Variants in BCAS3 observed in about 807,000 individuals in gnomAD.
BCAS3 encodes BCAS3 microtubule associated cell migration factor, also known as BCAS4/BCAS3 fusion.
BCAS3 carries 53 observed loss-of-function variants against 116.1 expected under a neutral mutation model. The observed-to-expected ratio is 0.46, with a 90% confidence interval of 0.37 to 0.57. The LOEUF is 0.57. Ranked by LOEUF, BCAS3 falls within the 20% of genes least tolerant of loss-of-function variation. The pLI is 0.00. For missense variants in BCAS3, 917 were observed against 1,165.4 expected (o/e 0.79, Z 3.10); for synonymous variants, 391 against 408.2 (o/e 0.96, Z 0.51).
chr17:60,816,261 T>C (rs894429681), intron 7 of BCAS3, among the ~76,000 whole-genome samples: 1 of 149,856 alleles, frequency 6.7e-6, no homozygotes, highest in African/African-American at 2.5e-5. Flanking sequence ...ATGTATAACT[T>C]TTCTTTCTTT....
chr17:60,894,533 A>C (rs962976922), intron 10 of BCAS3, among the ~76,000 whole-genome samples: 4 of 152,140 alleles, frequency 2.6e-5, no homozygotes, highest in African/African-American at 9.7e-5. Context: ...TGTGACTTCT[A>C]CTTTTCCAAT....
At chr17:61,030,154 G>C (rs2066526976) in intron 16 of BCAS3, among the ~76,000 whole-genome samples, 2 of 151,740 alleles carry the variant, frequency 1.3e-5, no homozygotes, top group African/African-American at 4.8e-5. Context: ...ATCAATATTG[G>C]GTCTTACATT....
At chr17:60,948,379 C>T (rs996967279) in intron 14 of BCAS3, among the ~76,000 whole-genome samples, 2 of 152,168 alleles carry the variant, frequency 1.3e-5, no homozygotes, top group African/African-American at 2.4e-5. Flanking sequence ...CCACTTCAGC[C>T]TCCCAAAGTG....
At chr17:61,174,760 A>G (rs1427588349) in intron 22 of BCAS3, among the ~76,000 whole-genome samples, 1 of 152,230 alleles carries the variant, frequency 6.6e-6, no homozygotes, top group Non-Finnish European at 1.5e-5. Flanking sequence ...ATTACCATAC[A>G]AAGAGATTCT....
chr17:60,876,424 A>G (rs1049873593), intron 9 of BCAS3, among the ~76,000 whole-genome samples: 7 of 151,930 alleles, frequency 4.6e-5, no homozygotes, highest in African/African-American at 1.7e-4. Flanking sequence ...CCCAGTGTAG[A>G]TAGTAATTCT....
chr17:60,891,632 A>G, intron 10 of BCAS3: 1 of 453,114 alleles, frequency 2.2e-6, no homozygotes, highest in South Asian at 1.6e-5. Flanking sequence ...CTTTGACTAT[A>G]AAATCTTAAG....
At chr17:60,888,098 G>A (rs1030453034) in intron 9 of BCAS3, among the ~76,000 whole-genome samples, 2 of 152,212 alleles carry the variant, frequency 1.3e-5, no homozygotes, top group Non-Finnish European at 1.5e-5. Context: ...TTGGGATGGT[G>A]CTGAGTGGCT....
At chr17:61,121,208 TGA>T (rs1345093661) in intron 22 of BCAS3, among the ~76,000 whole-genome samples, 1 of 152,130 alleles carries the variant, frequency 6.6e-6, no homozygotes, top group Non-Finnish European at 1.5e-5. Context: ...ACATGCTTTC[TGA>T]GAGAGAGAGC....
intron 7 of BCAS3, among the ~76,000 whole-genome samples, chr17:60,825,650 G>A (rs1402268724): frequency 6.6e-6 from 1 of 151,154 alleles, no homozygotes; most frequent in African/African-American, 2.4e-5. Flanking sequence ...TTTGGTGTCT[G>A]GTGAAGAAGG....
In BCAS3 at chr17:61,315,176, C is replaced by A. The variant is rs577193413; in HGVS notation, c.2426-53151C>A. Among the ~76,000 whole-genome samples, 1 of 152,104 alleles carries A rather than the reference C, an allele frequency of 6.6e-6. No individual in the cohort carries two copies. Among genetic ancestry groups the A allele is most frequent in the Admixed American group, 6.5e-5 (1 of 15,288 alleles). On this transcript the variant is annotated intron_variant, in intron 22 of 23. Coordinates refer to ENST00000407086, the MANE Select transcript of BCAS3 (RefSeq NM_017679.5). This position sits in a 1 kb window ranked among gnomAD's most constrained non-coding sequence, Gnocchi z 5.3. Reference sequence around the variant, plus strand: ...TGTCACCTAGGCTGGAGTGCAGTGGCGTGATCTCGGCTCACTGCAGCCTCC... The same window carrying A: ...TGTCACCTAGGCTGGAGTGCAGTGGAGTGATCTCGGCTCACTGCAGCCTCC...
chr17:61,322,571 C>G (rs1478994490), intron 22 of BCAS3, among the ~76,000 whole-genome samples: 1 of 152,210 alleles, frequency 6.6e-6, no homozygotes, highest in Admixed American at 6.5e-5. Context: ...CCCTCCCACC[C>G]CTCTTTCCTT....
chr17:61,385,604 G>T (rs1164748453), intron 23 of BCAS3, among the ~76,000 whole-genome samples: 1 of 152,236 alleles, frequency 6.6e-6, no homozygotes, highest in East Asian at 1.9e-4. Flanking sequence ...GCTGTTGGTT[G>T]CAAACCTTCT....
chr17:61,290,583 G>A (rs962123764), intron 22 of BCAS3, among the ~76,000 whole-genome samples: 3 of 152,076 alleles, frequency 2.0e-5, no homozygotes, highest in South Asian at 2.1e-4. Flanking sequence ...TCTAGATAAC[G>A]AAAAACGACA....
intron 4 of BCAS3, among the ~76,000 whole-genome samples, chr17:60,702,297 G>GT (rs2036526556): frequency 6.6e-6 from 1 of 152,178 alleles, no homozygotes; most frequent in Non-Finnish European, 1.5e-5. Flanking sequence ...CTGGTGAGCA[G>GT]TTTATCTTTC....
intron 22 of BCAS3, among the ~76,000 whole-genome samples, chr17:61,129,704 G>A (rs1397711028): frequency 1.3e-5 from 2 of 152,212 alleles, no homozygotes; most frequent in Admixed American, 6.5e-5. Context: ...CCTGTTTAGG[G>A]AGGTGCCGAT....
chr17:60,773,594 A>G (rs1000464516), intron 6 of BCAS3, among the ~76,000 whole-genome samples: 3 of 151,876 alleles, frequency 2.0e-5, no homozygotes, highest in Non-Finnish European at 2.9e-5. Context: ...CACCCAGCCA[A>G]CTGTTGAGGT....
At position 61,270,274 on chromosome 17, in the gene BCAS3, C is replaced by T. The variant is rs922303178; in HGVS notation, c.2426-98053C>T. ...AGCTGGGATTACAGGTGCCCGCCAC[C>T]GCGCCTGGCTAATTTTTGTATTTTT... On this transcript the variant is annotated intron_variant, in intron 22 of 23. Coordinates refer to ENST00000407086, the MANE Select transcript of BCAS3 (RefSeq NM_017679.5). Among the ~76,000 whole-genome samples the T allele has an allele frequency of 1.1e-4, 17 of 151,904 alleles. 1 individual carries two copies. Among genetic ancestry groups the T allele is most frequent in the East Asian group, 3.9e-4 (2 of 5,160 alleles).
intron 22 of BCAS3, among the ~76,000 whole-genome samples, chr17:61,209,901 C>A (rs982249153): frequency 6.6e-6 from 1 of 152,146 alleles, no homozygotes; most frequent in African/African-American, 2.4e-5. Context: ...GTCATCCGCC[C>A]AATATTCGTC....
chr17:60,970,027 G>T (rs7223951), intron 14 of BCAS3, among the ~76,000 whole-genome samples: 20,575 of 152,152 alleles, frequency 0.14, 4,388 homozygotes, highest in African/African-American at 0.45. Context: ...CAAACTTGCA[G>T]CTTTAGGAAA....
Sources: allele counts gnomAD v4.1 joint callset (sites outside exome capture counted in the v4.1 genomes callset), GRCh38; gene constraint gnomAD v4.1.1; non-coding constraint Gnocchi (gnomAD v3.1); transcripts MANE v1.5; gene names NCBI Gene and HGNC (gene_info 2026-07-23, HGNC 2026-07-21).